CFAP74: variants seen among roughly 807,000 people sequenced by gnomAD.
The protein encoded by CFAP74 is cilia- and flagella-associated protein 74.
Under a neutral mutation model 188.9 loss-of-function variants are expected in CFAP74, and 124 were observed. The ratio of observed to expected loss-of-function variants is 0.66; its 90% confidence interval spans 0.57 to 0.76. The LOEUF (loss-of-function observed/expected upper bound fraction) is 0.76, where lower values mean the gene tolerates loss of function less well. CFAP74 is among the 30% of genes least tolerant of loss of function. The pLI is 0.00. For missense variants in CFAP74, 2,198 were observed against 2,165.2 expected, an observed-to-expected ratio of 1.02 and a Z score of -0.30; for synonymous variants, 956 against 916.7, an observed-to-expected ratio of 1.04 and a Z score of -0.77.
rs559631482 is a variant in CFAP74 at position 1,940,367 on chromosome 1, G to T, written c.2652C>A (p.Asp884Glu). Residue 884 changes from aspartate to glutamate, a missense_variant, in exon 23 of 39, where the codon GAC (aspartate) becomes GAA (glutamate). Transcript: ENST00000682832. ...SLPEDAGRYF[D>E]KETRVLEAPM... The stretch of plus-strand genomic sequence containing the variant: ...GGGCCTCCAGGACTCGGGTCTCCTT[G>T]TCAAAATACCTCCCTGCGTCCTCCG... 1 of 1,535,548 alleles carries T rather than the reference G, an allele frequency of 6.5e-7. No homozygotes were observed. The highest frequency in any genetic ancestry group is 2.4e-5 in the East Asian group (1 of 40,894).
chr1:1,972,026 C>T lies in CFAP74; in HGVS notation c.842G>A (p.Arg281His), dbSNP rs375945137. 27 of 1,612,766 alleles carry T rather than the reference C, an allele frequency of 1.7e-5. No homozygotes were observed. Among genetic ancestry groups the T allele is most frequent in the African/African-American group, 5.3e-5 (4 of 74,936 alleles). The change falls in exon 9 of 39, where the codon CGC (arginine) becomes CAC (histidine). Residue 281 changes from arginine to histidine, a missense_variant. Arg to His is a conservative substitution (Grantham distance 29). Transcript: ENST00000682832. ...CTTCAGCGCCACCACCGCATCCATG[C>T]GTCGCCTCATGTACTCGTGGCACTC... Reference protein sequence around the residue: ...EMECHEYMRRRMDAVVALKGS... With the variant: ...EMECHEYMRRHMDAVVALKGS...
In CFAP74 at chr1:1,922,249, G is replaced by A; in HGVS notation, c.*38C>T. 1 of 1,514,374 alleles carries A rather than the reference G, an allele frequency of 6.6e-7. No homozygotes were observed. The highest frequency in any genetic ancestry group is 9.1e-7 in the Non-Finnish European group (1 of 1,095,342). 93.8% of individuals were successfully genotyped at this position (1,514,374 alleles called of 1,614,324 possible). ...CCCTCAGCCTGGGGAGGGCTTTGAGGGTGGACAGGAGGGCCCGAGGGTGCT... is the reference window on the plus strand; with the variant it reads ...CCCTCAGCCTGGGGAGGGCTTTGAGAGTGGACAGGAGGGCCCGAGGGTGCT... On this transcript the variant is annotated 3_prime_UTR_variant, in exon 39 of 39. Coordinates refer to ENST00000682832, the MANE Select transcript of CFAP74 (RefSeq NM_001304360.2).
At chr1:1,960,170 C>T in intron 14 of CFAP74, 140 bp from the exon 15 acceptor site, 3 of 700,972 alleles carry the variant, frequency 4.3e-6, no homozygotes, top group Non-Finnish European at 7.2e-6. Flanking sequence ...CCGCCTTCAC[C>T]CCGGGGAGTG....
At chr1:1,998,762 A>G (rs1658054798) in intron 1 of CFAP74, among the ~76,000 whole-genome samples, 1 of 152,082 alleles carries the variant, frequency 6.6e-6, no homozygotes, top group South Asian at 2.1e-4. Context: ...CTGTAGTCCC[A>G]GCTACTCGGG....
intron 27 of CFAP74, 33 bp from the exon 28 acceptor site, chr1:1,927,779 C>A: frequency 6.5e-7 from 1 of 1,543,266 alleles, no homozygotes; most frequent in Non-Finnish European, 8.8e-7. Flanking sequence ...TGGGGCTGTG[C>A]AGGGCCCTAA....
intron 6 of CFAP74, among the ~76,000 whole-genome samples, chr1:1,979,051 G>A (rs1258433394): frequency 2.1e-5 from 3 of 139,898 alleles, no homozygotes; most frequent in Non-Finnish European, 4.7e-5. Flanking sequence ...GTCATGTGAC[G>A]AGGCTGCACA....
rs1570937776 is a variant in CFAP74 at position 1,968,701 on chromosome 1, G to C, written c.1179C>G (p.Asp393Glu). ...TSARHRLTLR[D>E]KTWNYISDFC... Reference sequence around the variant, plus strand: ...AGTCAGAAATGTAGTTCCAGGTCTTGTCCCTCAGGGTCAGCCGGTGCCTGG... The same window carrying C: ...AGTCAGAAATGTAGTTCCAGGTCTTCTCCCTCAGGGTCAGCCGGTGCCTGG... Residue 393 changes from aspartate to glutamate, a missense_variant, in exon 11 of 39, where the codon GAC becomes GAG. Coordinates refer to ENST00000682832, the MANE Select transcript of CFAP74 (RefSeq NM_001304360.2). The surrounding 1 kb of genome is among the most constrained non-coding windows in gnomAD (Gnocchi z 4.3). The C allele has an allele frequency of 1.2e-6, 2 of 1,614,132 alleles. No individual in the cohort carries two copies. Among genetic ancestry groups the C allele is most frequent in the East Asian group, 2.2e-5 (1 of 44,880 alleles).
chr1:1,957,133 C>T (rs1654699281), intron 16 of CFAP74, among the ~76,000 whole-genome samples: 1 of 152,202 alleles, frequency 6.6e-6, no homozygotes, highest in Admixed American at 6.5e-5. Context: ...GTGAGGTCAG[C>T]TGGACTCTGG....
At chr1:1,972,181 A>T (rs552088971) in intron 8 of CFAP74, 99 bp from the exon 9 acceptor site, 215 of 879,670 alleles carry the variant, frequency 2.4e-4, no homozygotes, top group Non-Finnish European at 3.6e-4. Flanking sequence ...CCCAGGCTCA[A>T]GTGATCCTCC....
Position 1,942,164 on chromosome 1 carries a change from C to T in CFAP74, c.2487-8G>A, listed in dbSNP as rs751074369. On this transcript the variant is annotated splice_polypyrimidine_tract_variant and splice_region_variant and intron_variant, in intron 21 of 38. Transcript: ENST00000682832. The surrounding 1 kb of genome is among the most constrained non-coding windows in gnomAD (Gnocchi z 4.3). Reference sequence around the variant, plus strand: ...CGCAGGGCAGCTTTCGACCTGTGGGCGTGTCGCAGGGCACTGGGTCAGGTG... The same window carrying T: ...CGCAGGGCAGCTTTCGACCTGTGGGTGTGTCGCAGGGCACTGGGTCAGGTG... 6 of 1,500,816 alleles carry T rather than the reference C, an allele frequency of 4.0e-6. No individual in the cohort carries two copies. The highest frequency in any genetic ancestry group is 2.5e-5 in the South Asian group (2 of 78,824). 93.0% of individuals were successfully genotyped at this position (1,500,816 alleles called of 1,614,324 possible).
Position 1,959,083 on chromosome 1 carries a change from C to T in CFAP74, c.1851+37G>A, listed in dbSNP as rs764114133. 2.8e-6 allele frequency: 4 copies of T among 1,449,826 alleles called. No homozygotes were observed. In the Admixed American group the frequency reaches 5.1e-5, roughly 18 times the overall value. 89.8% of individuals were successfully genotyped at this position (1,449,826 alleles called of 1,614,324 possible). On this transcript the variant is annotated intron_variant, in intron 16 of 38. Coordinates refer to ENST00000682832, the MANE Select transcript of CFAP74 (RefSeq NM_001304360.2). ...CCCACTGGGGTTCCCAGCCAGCATG[C>T]CCCGAGAAATGCTGGCTCGGACACC...
chr1:1,944,907 A>G (rs1404409564), intron 20 of CFAP74, among the ~76,000 whole-genome samples: 1 of 152,096 alleles, frequency 6.6e-6, no homozygotes, highest in Non-Finnish European at 1.5e-5. Context: ...CGCCCGGCCA[A>G]ATATTCTTTT....
In CFAP74 at chr1:1,988,952, G is replaced by C. The variant is rs372544678; in HGVS notation, c.89C>G (p.Pro30Arg). ...TAGAAGACATTTGATGTCAAACTCC[G>C]GATCCTCTAATTCATCTCTTTCTAG... ...LEDERDELED[P>R]EFDIKCLLQE... is the part of the protein sequence containing the mutation. Residue 30 changes from proline to arginine, a missense_variant, in exon 3 of 39, where the codon CCG (proline) becomes CGG (arginine). Coordinates refer to ENST00000682832, the MANE Select transcript of CFAP74 (RefSeq NM_001304360.2). The C allele has an allele frequency of 1.3e-6, 2 of 1,576,494 alleles. No individual in the cohort carries two copies. Among genetic ancestry groups the C allele is most frequent in the Non-Finnish European group, 1.7e-6 (2 of 1,156,458 alleles).
At chr1:1,936,829 C>A (rs1652928877) in intron 25 of CFAP74, among the ~76,000 whole-genome samples, 1 of 151,810 alleles carries the variant, frequency 6.6e-6, no homozygotes, top group Admixed American at 6.6e-5. Flanking sequence ...TTGCTTGAAC[C>A]CGGGAGGTGG....
chr1:1,945,827 C>CA (rs1161813880), intron 20 of CFAP74, among the ~76,000 whole-genome samples: 1,531 of 81,988 alleles, frequency 0.019, 15 homozygotes, highest in African/African-American at 0.042. Flanking sequence ...GACCCTAACT[C>CA]AAAAAAAAAA....
chr1:1,971,813 G>T (rs931572520), intron 9 of CFAP74, among the ~76,000 whole-genome samples, 167 bp downstream of exon 9: 2 of 152,256 alleles, frequency 1.3e-5, no homozygotes, highest in African/African-American at 4.8e-5. Context: ...CACGGAACCC[G>T]TGGGCAAATC....
chr1:1,922,106 TC>T lies in CFAP74; in HGVS notation c.*180del. On this transcript the variant is annotated 3_prime_UTR_variant, in exon 39 of 39. Coordinates refer to ENST00000682832, the MANE Select transcript of CFAP74 (RefSeq NM_001304360.2). Reference sequence around the variant, plus strand: ...GTCTCAGGAGGGGTGCTCTTGGATGTCCCTGGGCTTGCGGGGTCCAGGGCAG... The same window carrying T: ...GTCTCAGGAGGGGTGCTCTTGGATGTCCTGGGCTTGCGGGGTCCAGGGCAG... 1.7e-6 allele frequency: 1 copy of T among 574,042 alleles called. No individual in the cohort carries two copies. The highest frequency in any genetic ancestry group is 3.1e-6 in the Non-Finnish European group (1 of 325,566). 35.6% of individuals were successfully genotyped at this position (574,042 alleles called of 1,614,324 possible).
At chr1:1,953,709 TCCA>T (rs1240464161) in intron 18 of CFAP74, 1 of 153,582 alleles carries the variant, frequency 6.5e-6, no homozygotes, top group African/African-American at 2.4e-5. Flanking sequence ...AGCCCTGACT[TCCA>T]CCACAAGCAG....
At chr1:1,976,583 G>A (rs1336327228) in intron 6 of CFAP74, among the ~76,000 whole-genome samples, 4 of 151,952 alleles carry the variant, frequency 2.6e-5, no homozygotes, top group South Asian at 2.1e-4. Context: ...TGCTCTCTCC[G>A]CCAGTCTGGA....
Sources: allele counts gnomAD v4.1 joint callset (sites outside exome capture counted in the v4.1 genomes callset), GRCh38; gene constraint gnomAD v4.1.1; non-coding constraint Gnocchi (gnomAD v3.1); transcripts MANE v1.5; gene names NCBI Gene and HGNC (gene_info 2026-07-23, HGNC 2026-07-21).